The following DMBX1 variants were observed in gnomAD, a reference collection of about 807,000 sequenced individuals.
The protein encoded by DMBX1 is diencephalon/mesencephalon homeobox protein 1.
Under a neutral mutation model 30.4 loss-of-function variants are expected in DMBX1, and 7 were observed. That is an observed-to-expected ratio of 0.23 (90% CI 0.13 to 0.43). The LOEUF (loss-of-function observed/expected upper bound fraction) is 0.43, where lower values mean the gene tolerates loss of function less well. Among genes scored for constraint, DMBX1 ranks in the 20% least tolerant of loss-of-function variants. The pLI, the probability that DMBX1 is intolerant of heterozygous loss-of-function variation, is 1.00. For synonymous variants in DMBX1, 222 were observed against 214.2 expected, an observed-to-expected ratio of 1.04 and a Z score of -0.32; for missense variants, 460 against 508.5, an observed-to-expected ratio of 0.90 and a Z score of 0.92.
chr1:46,503,632 T>C (rs976608620), intron 2 of DMBX1, among the ~76,000 whole-genome samples: 6 of 152,244 alleles, frequency 3.9e-5, no homozygotes, highest in Admixed American at 6.5e-5. Flanking sequence ...AATGTCTGCG[T>C]ACGTGTATTT....
intron 2 of DMBX1, among the ~76,000 whole-genome samples, chr1:46,495,837 C>T (rs564871936): frequency 6.6e-6 from 1 of 152,202 alleles, no homozygotes; most frequent in East Asian, 1.9e-4. Flanking sequence ...GACAACATTC[C>T]CGGAGTGGGA....
At position 46,512,786 on chromosome 1, in the gene DMBX1, C is replaced by G. The variant is rs566020199; in HGVS notation, c.*292C>G. 1.8e-5 allele frequency: 8 copies of G among 434,268 alleles called. No homozygotes were observed. In the South Asian group the frequency reaches 4.5e-4, roughly 24 times the overall value. The allele number at this position is 434,268 out of a possible 1,614,324, so 26.9% of individuals were successfully genotyped here. On this transcript the variant is annotated 3_prime_UTR_variant, in exon 6 of 6. Coordinates refer to ENST00000360032, the MANE Select transcript of DMBX1 (RefSeq NM_172225.2). The surrounding 1 kb of genome is among the most constrained non-coding windows in gnomAD (Gnocchi z 4.8). ...AGGCTCTCCCTGGCTAGATCCTCAT[C>G]TCAATAGCACCTCCTCCCTTTTCTC...
rs1015743796 is a variant in DMBX1, at chr1:46,491,737, G to C, written c.-13+954G>C. Among the ~76,000 whole-genome samples the C allele has an allele frequency of 5.3e-5, 8 of 152,088 alleles. No individual in the cohort carries two copies. The highest frequency in any genetic ancestry group is 1.9e-4 in the African/African-American group (8 of 41,380). ...GTTAGTTTTAGGTGGGTGTAGTGGG[G>C]GTTGTTTTCAATTTTTCGGGGATTT... On this transcript the variant is annotated intron_variant, in intron 2 of 5. Transcript: ENST00000360032. This position sits in a 1 kb window ranked among gnomAD's most constrained non-coding sequence, Gnocchi z 5.5.
At chr1:46,496,042 A>G (rs1257103768) in intron 2 of DMBX1, among the ~76,000 whole-genome samples, 1 of 152,108 alleles carries the variant, frequency 6.6e-6, no homozygotes, top group African/African-American at 2.4e-5. Context: ...TCTGGTGGAG[A>G]GCCCTTGTTG....
chr1:46,490,474 T>TG (rs1273445346), intron 1 of DMBX1, among the ~76,000 whole-genome samples, 170 bp from the exon 2 acceptor site: 1 of 128,106 alleles, frequency 7.8e-6, no homozygotes, highest in Non-Finnish European at 1.7e-5. Flanking sequence ...AGATGCGGCC[T>TG]GGGGAGTTGC....
At chr1:46,492,573 G>C (rs1157549775) in intron 2 of DMBX1, among the ~76,000 whole-genome samples, 1 of 152,130 alleles carries the variant, frequency 6.6e-6, no homozygotes, top group Non-Finnish European at 1.5e-5. Context: ...TGGTTTTTGA[G>C]GGAAAGGGAG....
rs773620479 is a variant in DMBX1 at position 46,512,008 on chromosome 1, C to G, written c.683-35C>G. The stretch of plus-strand genomic sequence containing the variant: ...TCTCCTGGCAGACCAATGCCCTTGT[C>G]CTGAGGGCTTTGTTCTTGGGTTCTC... On this transcript the variant is annotated intron_variant, in intron 5 of 5. Coordinates refer to ENST00000360032, the MANE Select transcript of DMBX1 (RefSeq NM_172225.2). This position sits in a 1 kb window ranked among gnomAD's most constrained non-coding sequence, Gnocchi z 4.8. 50 of 1,584,480 alleles carry G rather than the reference C, an allele frequency of 3.2e-5. No homozygotes were observed. Among genetic ancestry groups the G allele is most frequent in the Non-Finnish European group, 3.9e-5 (46 of 1,166,990 alleles).
At chr1:46,499,902 C>CTGT (rs967519383) in intron 2 of DMBX1, among the ~76,000 whole-genome samples, 2 of 152,120 alleles carry the variant, frequency 1.3e-5, no homozygotes, top group Non-Finnish European at 2.9e-5. Context: ...ATAGCTAGTA[C>CTGT]TGTTGTTGTT....
At chr1:46,503,001 C>G (rs761124221) in intron 2 of DMBX1, among the ~76,000 whole-genome samples, 19 of 152,242 alleles carry the variant, frequency 1.2e-4, no homozygotes, top group Non-Finnish European at 1.2e-4. Context: ...TCCATTGGGC[C>G]GTGGGATTAG....
In DMBX1 at chr1:46,512,194, C is replaced by CTCGTCCT; in HGVS notation, c.838_844dup (p.Glu282ValfsTer73). On this transcript the variant is annotated frameshift_variant, in exon 6 of 6. Transcript: ENST00000360032. LOFTEE classifies it high-confidence loss of function. This position sits in a 1 kb window ranked among gnomAD's most constrained non-coding sequence, Gnocchi z 4.8. Reference sequence around the variant, plus strand: ...CGGCCACCAACAACCTGGTGCACTACTCGTCCTTCGAAGTAGGGGGTCCGG... The same window carrying CTCGTCCT: ...CGGCCACCAACAACCTGGTGCACTACTCGTCCTTCGTCCTTCGAAGTAGGGGGTCCGG... 6.2e-7 allele frequency: 1 copy of CTCGTCCT among 1,614,080 alleles called. No individual in the cohort carries two copies.
intron 2 of DMBX1, among the ~76,000 whole-genome samples, chr1:46,497,430 TCTC>T (rs1440592525): frequency 6.6e-6 from 1 of 152,216 alleles, no homozygotes; most frequent in East Asian, 1.9e-4. Flanking sequence ...TTCCTCTGCT[TCTC>T]CTTCTCTTTC....
chr1:46,503,398 A>G (rs1666173979), intron 2 of DMBX1, among the ~76,000 whole-genome samples: 1 of 152,240 alleles, frequency 6.6e-6, no homozygotes, highest in South Asian at 2.1e-4. Flanking sequence ...CAGGAATGTA[A>G]ATTCCATGAA....
chr1:46,492,896 C>T (rs936316171), intron 2 of DMBX1, among the ~76,000 whole-genome samples: 1 of 152,306 alleles, frequency 6.6e-6, no homozygotes, highest in Admixed American at 6.5e-5. Flanking sequence ...CGTAGGACAA[C>T]AGTCCCAAGT....
chr1:46,490,617 G>T (rs1665912597), intron 1 of DMBX1, among the ~76,000 whole-genome samples, 27 bp from the exon 2 acceptor site: 1 of 152,234 alleles, frequency 6.6e-6, no homozygotes, highest in Non-Finnish European at 1.5e-5. Context: ...GCATTGCCCG[G>T]GTCTGGCTTT....
At chr1:46,495,057 T>C (rs909274357) in intron 2 of DMBX1, among the ~76,000 whole-genome samples, 5 of 152,106 alleles carry the variant, frequency 3.3e-5, no homozygotes, top group Admixed American at 1.3e-4. Context: ...GGTGAGGACA[T>C]TGGATTTTCC....
At chr1:46,501,254 C>CT (rs1470408988) in intron 2 of DMBX1, among the ~76,000 whole-genome samples, 13 of 132,998 alleles carry the variant, frequency 9.8e-5, no homozygotes, top group South Asian at 7.5e-4. Context: ...TTCTTTCTTT[C>CT]TTTCTTTCTT....
rs755343763 is a variant in DMBX1 at position 46,510,544 on chromosome 1, G to A, written c.223G>A (p.Ala75Thr). Residue 75 changes from alanine to threonine, a missense_variant, in exon 4 of 6, where the codon GCT becomes ACT. Transcript: ENST00000360032. This position sits in a 1 kb window ranked among gnomAD's most constrained non-coding sequence, Gnocchi z 4.1. ...ACGTCGCAGCCGCACAGCGTTCACG[G>A]CTCAGCAGCTCGAGGCCCTGGAAAA... ...KQRRSRTAFT[A>T]QQLEALEKTF... The A allele has an allele frequency of 6.2e-7, 1 of 1,614,170 alleles. No individual in the cohort carries two copies. Among genetic ancestry groups the A allele is most frequent in the Admixed American group, 1.7e-5 (1 of 60,018 alleles).
rs1326882518 is a variant in DMBX1, at chr1:46,505,765, AT to A, written c.-12-1233del. 4.0e-5 allele frequency among the ~76,000 whole-genome samples: 6 copies of A among 150,614 alleles called. No individual in the cohort carries two copies. In the East Asian group the frequency reaches 7.7e-4, roughly 19 times the overall value. On this transcript the variant is annotated intron_variant, in intron 2 of 5. Transcript: ENST00000360032. ...TAAAGTATAATAATAATAAAAAAAA[AT>A]AAAACATTAACTTCTACTTAAAAAA...
rs543563898 is a variant in DMBX1 at position 46,490,777 on chromosome 1, C to A, written c.-19C>A. The stretch of plus-strand genomic sequence containing the variant: ...CGAAGACGCGGCCTTGGTCTAGGAA[C>A]CTTCAGGTGGGTGTTTGGGGCGCAG... On this transcript the variant is annotated 5_prime_UTR_variant, in exon 2 of 6. Transcript: ENST00000360032. Among the ~76,000 whole-genome samples the A allele has an allele frequency of 6.6e-6, 1 of 152,366 alleles. No homozygotes were observed. Among genetic ancestry groups the A allele is most frequent in the South Asian group, 2.1e-4 (1 of 4,832 alleles).
Sources: allele counts gnomAD v4.1 joint callset (sites outside exome capture counted in the v4.1 genomes callset), GRCh38; gene constraint gnomAD v4.1.1; non-coding constraint Gnocchi (gnomAD v3.1); transcripts MANE v1.5; gene names NCBI Gene and HGNC (gene_info 2026-07-23, HGNC 2026-07-21).